The following ADGRF5 variants were observed in gnomAD, a reference collection of about 807,000 sequenced individuals.
ADGRF5 encodes adhesion G protein-coupled receptor F5, also known as G-protein coupled receptor 116.
A neutral mutation model predicts 132.3 loss-of-function variants in ADGRF5; 75 were observed. That is an observed-to-expected ratio of 0.57 (90% CI 0.47 to 0.69). The LOEUF (loss-of-function observed/expected upper bound fraction) is 0.69. Ranked by LOEUF, ADGRF5 falls within the 30% of genes least tolerant of loss-of-function variation. The pLI is 0.00. For synonymous variants in ADGRF5, 629 were observed against 597.6 expected (o/e 1.05, Z -0.77); for missense variants, 1,516 against 1,630.6 (o/e 0.93, Z 1.21).
In ADGRF5 at chr6:46,858,957, A is replaced by G. The variant is rs1769387549; in HGVS notation, c.2946T>C (p.Asn982=). 1 of 1,612,496 alleles carries G rather than the reference A, an allele frequency of 6.2e-7. No individual in the cohort carries two copies. Among genetic ancestry groups the G allele is most frequent in the African/African-American group, 1.3e-5 (1 of 74,882 alleles). ...TTAGGTGGTCACAGATACAGGTGAC[A>G]TTGTCCCCATCACCTTCTTCTACAT... The part of the protein sequence containing the change: ...GCYVEEGDGD[N]VTCICDHLTS... The change falls in exon 17 of 21, where the codon AAT becomes AAC. Residue 982 remains asparagine, a synonymous_variant. Transcript: ENST00000283296.
At chr6:46,922,744 G>A (rs1777040599), upstream of ADGRF5, among the ~76,000 whole-genome samples, 1 of 152,170 alleles carries the variant, frequency 6.6e-6, no homozygotes. Flanking sequence ...AATGAGGCCT[G>A]GCTTGGAATC....
intron 13 of ADGRF5, 103 bp from the exon 14 acceptor site, chr6:46,865,300 G>T: frequency 1.3e-6 from 1 of 768,134 alleles, no homozygotes; most frequent in East Asian, 2.6e-5. Context: ...AAGCTTTCCC[G>T]AGGAATGTGC....
Position 46,878,443 on chromosome 6 carries a change from C to T in ADGRF5, c.1037-38G>A, listed in dbSNP as rs1562178201. ...CACAAAATCATGTATTATTATAACACATGTGTATTTTCTTAGAGGAATGTA... is the reference window on the plus strand; with the variant it reads ...CACAAAATCATGTATTATTATAACATATGTGTATTTTCTTAGAGGAATGTA... On this transcript the variant is annotated intron_variant, in intron 9 of 20. Coordinates refer to ENST00000283296, the MANE Select transcript of ADGRF5 (RefSeq NM_001098518.2). 7.3e-6 allele frequency: 9 copies of T among 1,227,490 alleles called. No individual in the cohort carries two copies. In the South Asian group the frequency reaches 9.9e-5, roughly 14 times the overall value. The allele number at this position is 1,227,490 out of a possible 1,614,324, so 76.0% of individuals were successfully genotyped here.
chr6:46,910,701 C>A (rs1775859970), intron 1 of ADGRF5, among the ~76,000 whole-genome samples: 2 of 151,978 alleles, frequency 1.3e-5, no homozygotes, highest in African/African-American at 4.8e-5. Context: ...AATCAACCAA[C>A]CAACCAAACA....
At chr6:46,923,306 GAGTTT>G (rs1346268048), upstream of ADGRF5, among the ~76,000 whole-genome samples, 2 of 152,150 alleles carry the variant, frequency 1.3e-5, no homozygotes, top group Non-Finnish European at 2.9e-5. Flanking sequence ...TGAAGAGGAA[GAGTTT>G]AGTAACTGTT....
At chr6:46,897,696 T>G (rs1774331327) in intron 3 of ADGRF5, among the ~76,000 whole-genome samples, 1 of 152,122 alleles carries the variant, frequency 6.6e-6, no homozygotes, top group Admixed American at 6.5e-5. Context: ...TGCCTCAGCC[T>G]CCTGAGTAGC....
intron 1 of ADGRF5, among the ~76,000 whole-genome samples, chr6:46,927,386 C>T (rs1486134898): frequency 6.6e-6 from 1 of 152,106 alleles, no homozygotes; most frequent in Non-Finnish European, 1.5e-5. Flanking sequence ...ACCAAGGTCA[C>T]AAGCAGCGTT....
chr6:46,858,015 G>A (rs1448703199), intron 17 of ADGRF5, 114 bp downstream of exon 17: 8 of 745,514 alleles, frequency 1.1e-5, no homozygotes, highest in Admixed American at 5.8e-5. Flanking sequence ...CTTTAGAGCT[G>A]AGGCTTCCTC....
chr6:46,935,718 A>G (rs1561834929), intron 1 of ADGRF5, among the ~76,000 whole-genome samples: 1 of 152,128 alleles, frequency 6.6e-6, no homozygotes, highest in Non-Finnish European at 1.5e-5. Flanking sequence ...ATTCAACTCC[A>G]TCTGGAAACA....
intron 1 of ADGRF5, among the ~76,000 whole-genome samples, chr6:46,912,766 T>C (rs555403095): frequency 1.3e-5 from 2 of 152,206 alleles, no homozygotes; most frequent in Admixed American, 1.3e-4. Flanking sequence ...AGTCTGCCTT[T>C]CTTCATGGTC....
rs1554129981 is a variant in ADGRF5 at position 46,941,401 on chromosome 6, G to GAAAAGAAAAGAAAATAAAAGAAAAGAA, written c.-25+13332_-25+13333insTTCTTTTCTTTTATTTTCTTTTCTTTT. On this transcript the variant is annotated intron_variant, in intron 1 of 20. Coordinates refer to the ADGRF5 transcript ENST00000265417. ...AAAGAAAGAAACAAAGAAAAGAAAAGAAAAGAAAAGAAAAGAAAAGAAAAG... is the reference window on the plus strand; with the variant it reads ...AAAGAAAGAAACAAAGAAAAGAAAAGAAAAGAAAAGAAAATAAAAGAAAAGAAAAAAGAAAAGAAAAGAAAAGAAAAG... Among the ~76,000 whole-genome samples, 15 of 23,700 alleles carry GAAAAGAAAAGAAAATAAAAGAAAAGAA rather than the reference G, an allele frequency of 6.3e-4. 1 individual carries two copies. Among genetic ancestry groups the GAAAAGAAAAGAAAATAAAAGAAAAGAA allele is most frequent in the African/African-American group, 2.6e-3 (13 of 4,992 alleles). 15.5% of individuals were successfully genotyped at this position (23,700 alleles called of 152,430 possible). A position where few individuals can be genotyped will look rare whatever the true frequency, so the allele number is the denominator to read the frequency against.
At chr6:46,942,589 G>A (rs577451337) in intron 1 of ADGRF5, among the ~76,000 whole-genome samples, 31 of 152,320 alleles carry the variant, frequency 2.0e-4, no homozygotes, top group Admixed American at 6.5e-4. Flanking sequence ...ATTTAGAGCA[G>A]AACTTGTGAG....
chr6:46,860,886 G>A lies in ADGRF5; in HGVS notation c.2208C>T (p.Ile736=), dbSNP rs778947750. The stretch of plus-strand genomic sequence containing the variant: ...GCATCTCATCCTGAGAGGGGCTCTT[G>A]ATCAAAGCCTAGTAAAACAAAAGCC... The part of the protein sequence containing the change: ...NSLLQMAKAL[I]KSPSQDEMLP... Residue 736 remains isoleucine, a synonymous_variant, in exon 16 of 21, where the codon ATC becomes ATT. Coordinates refer to ENST00000283296, the MANE Select transcript of ADGRF5 (RefSeq NM_001098518.2). 6.3e-7 allele frequency: 1 copy of A among 1,599,400 alleles called. No individual in the cohort carries two copies. The highest frequency in any genetic ancestry group is 1.3e-5 in the African/African-American group (1 of 74,246).
At position 46,867,915 on chromosome 6, in the gene ADGRF5, G is replaced by C. The variant is rs1770626865; in HGVS notation, c.1622-778C>G. 2.0e-5 allele frequency among the ~76,000 whole-genome samples: 3 copies of C among 152,164 alleles called. No individual in the cohort carries two copies. The South Asian group carries it at 6.2e-4, about 31-fold the overall frequency. Reference sequence around the variant, plus strand: ...TTAATAGATTAATGTGACTGCAAAAGCTAAAATTCTTCCTAGGTTATTGGC... The same window carrying C: ...TTAATAGATTAATGTGACTGCAAAACCTAAAATTCTTCCTAGGTTATTGGC... On this transcript the variant is annotated intron_variant, in intron 12 of 20. Transcript: ENST00000283296.
At chr6:46,934,446 C>G (rs1777721817) in intron 1 of ADGRF5, among the ~76,000 whole-genome samples, 1 of 152,194 alleles carries the variant, frequency 6.6e-6, no homozygotes, top group Non-Finnish European at 1.5e-5. Context: ...TTACTTTATG[C>G]TACTACTAAA....
chr6:46,936,529 G>A (rs1215056224), intron 1 of ADGRF5, among the ~76,000 whole-genome samples: 3 of 152,148 alleles, frequency 2.0e-5, no homozygotes, highest in African/African-American at 7.2e-5. Flanking sequence ...TTAATCTTTC[G>A]ACATCTCTCT....
Position 46,900,089 on chromosome 6 carries a change from A to C in ADGRF5, c.103-6T>G. The stretch of plus-strand genomic sequence containing the variant: ...GGTTCATGTTCATGAAGACTCTGAA[A>C]AGAACATTTGAGAAAGTTGTCAATT... On this transcript the variant is annotated splice_region_variant and splice_polypyrimidine_tract_variant and intron_variant, in intron 2 of 20. Transcript: ENST00000283296. 2 of 1,610,138 alleles carry C rather than the reference A, an allele frequency of 1.2e-6. No homozygotes were observed. Among genetic ancestry groups the C allele is most frequent in the Non-Finnish European group, 1.7e-6 (2 of 1,176,372 alleles).
chr6:46,881,867 T>C (rs1383643803), intron 7 of ADGRF5, among the ~76,000 whole-genome samples, 182 bp downstream of exon 7: 1 of 152,210 alleles, frequency 6.6e-6, no homozygotes, highest in Admixed American at 6.5e-5. Flanking sequence ...TGAACACAAG[T>C]CTTTTTCTCT....
chr6:46,944,510 C>T (rs1364090998), intron 1 of ADGRF5, among the ~76,000 whole-genome samples: 3 of 152,180 alleles, frequency 2.0e-5, no homozygotes, highest in Admixed American at 1.3e-4. Flanking sequence ...TCTTCCTACA[C>T]ACACAGGTTC....
Sources: allele counts gnomAD v4.1 joint callset (sites outside exome capture counted in the v4.1 genomes callset), GRCh38; gene constraint gnomAD v4.1.1; transcripts MANE v1.5; gene names NCBI Gene and HGNC (gene_info 2026-07-23, HGNC 2026-07-21).